PLEKHS1: variants seen among roughly 807,000 people sequenced by gnomAD.
The protein encoded by PLEKHS1 is pleckstrin homology domain-containing family S member 1.
A neutral mutation model predicts 51.0 loss-of-function variants in PLEKHS1; 55 were observed. That is an observed-to-expected ratio of 1.08 (90% CI 0.87 to 1.35). The LOEUF is 1.35. Among genes scored for constraint, PLEKHS1 ranks in the 40% most tolerant of loss-of-function variants. The probability of loss-of-function intolerance (pLI) is 0.00; values close to 1 mark genes in which losing one functional copy is unlikely to be tolerated. For missense variants in PLEKHS1, 398 were observed against 423.0 expected, an observed-to-expected ratio of 0.94 and a Z score of 0.52; for synonymous variants, 153 against 144.8, an observed-to-expected ratio of 1.06 and a Z score of -0.41.
intron 5 of PLEKHS1, 60 bp downstream of exon 5, chr10:113,767,539 A>G (rs2134523886): frequency 6.7e-7 from 1 of 1,499,896 alleles, no homozygotes; most frequent in Non-Finnish European, 9.0e-7. Flanking sequence ...CAAACCAAAA[A>G]ACAAAACATT....
chr10:113,755,824 T>C (rs1265366926), intron 2 of PLEKHS1, among the ~76,000 whole-genome samples: 2 of 152,218 alleles, frequency 1.3e-5, no homozygotes, highest in African/African-American at 4.8e-5. Context: ...GTCTAGAAGT[T>C]TAGCATTTTC....
intron 1 of PLEKHS1, among the ~76,000 whole-genome samples, chr10:113,754,152 C>T (rs978531243): frequency 2.6e-5 from 4 of 152,040 alleles, no homozygotes; most frequent in African/African-American, 4.8e-5. Flanking sequence ...TATACACACA[C>T]GTAATTAAAG....
chr10:113,765,481 A>G, intron 2 of PLEKHS1: 1 of 752,926 alleles, frequency 1.3e-6, no homozygotes, highest in Non-Finnish European at 2.5e-6. Flanking sequence ...GTTAATCGAC[A>G]CTCTTGAATA....
intron 7 of PLEKHS1, among the ~76,000 whole-genome samples, chr10:113,770,844 T>G (rs1315488914): frequency 6.6e-6 from 1 of 152,164 alleles, no homozygotes; most frequent in South Asian, 2.1e-4. Context: ...GATCCAGTGA[T>G]TTTTAAACCA....
chr10:113,765,175 C>A, intron 2 of PLEKHS1: 1 of 463,408 alleles, frequency 2.2e-6, no homozygotes, highest in East Asian at 3.2e-5. Context: ...TCTTTGTATT[C>A]CTATGAATCT....
intron 2 of PLEKHS1, among the ~76,000 whole-genome samples, chr10:113,765,599 T>C (rs903521439): frequency 6.6e-6 from 1 of 152,264 alleles, no homozygotes; most frequent in African/African-American, 2.4e-5. Flanking sequence ...GTTTCTAAAA[T>C]GTTAACTGCT....
At chr10:113,755,952 A>T (rs1452295076) in intron 2 of PLEKHS1, among the ~76,000 whole-genome samples, 1 of 152,212 alleles carries the variant, frequency 6.6e-6, no homozygotes, top group African/African-American at 2.4e-5. Flanking sequence ...ACACTTAGAG[A>T]AGTGCCTGCA....
chr10:113,775,104 T>C, intron 10 of PLEKHS1, 69 bp downstream of exon 10: 1 of 1,339,824 alleles, frequency 7.5e-7, no homozygotes, highest in Non-Finnish European at 1.0e-6. Context: ...CTTTTTTTTT[T>C]AACTTAGAAT....
chr10:113,768,930 C>G, intron 6 of PLEKHS1, 40 bp downstream of exon 6: 1 of 1,469,026 alleles, frequency 6.8e-7, no homozygotes, highest in South Asian at 1.2e-5. Flanking sequence ...GGCACCTGAA[C>G]ACAACCCTCT....
chr10:113,757,363 C>T (rs1201108843), intron 2 of PLEKHS1, among the ~76,000 whole-genome samples: 1 of 152,112 alleles, frequency 6.6e-6, no homozygotes, highest in Non-Finnish European at 1.5e-5. Flanking sequence ...TGTTTCCATG[C>T]CAATACAACC....
At chr10:113,773,944 G>A (rs1050666442) in intron 8 of PLEKHS1, among the ~76,000 whole-genome samples, 2 of 152,138 alleles carry the variant, frequency 1.3e-5, no homozygotes, top group Non-Finnish European at 1.5e-5. Context: ...AGTGCCGAAT[G>A]GTGAAACAGA....
intron 2 of PLEKHS1, among the ~76,000 whole-genome samples, chr10:113,760,239 C>T (rs116894236): frequency 2.6e-5 from 4 of 152,270 alleles, no homozygotes; most frequent in East Asian, 1.9e-4. Context: ...AGATGTATCA[C>T]AATGTGTTAA....
At chr10:113,779,335 C>T (rs143731137) in intron 11 of PLEKHS1, among the ~76,000 whole-genome samples, 2,037 of 152,168 alleles carry the variant, frequency 0.013, 28 homozygotes, top group South Asian at 0.028. Flanking sequence ...CTTTGGGAGG[C>T]GGAGGTGGGC....
At chr10:113,778,750 T>C (rs556959602) in intron 11 of PLEKHS1, among the ~76,000 whole-genome samples, 1 of 149,506 alleles carries the variant, frequency 6.7e-6, no homozygotes, top group Non-Finnish European at 1.5e-5. Flanking sequence ...TTCACACCAT[T>C]CTCCTGCCTC....
intron 6 of PLEKHS1, 127 bp from the exon 7 acceptor site, chr10:113,769,657 G>A (rs981638155): frequency 1.4e-5 from 10 of 696,936 alleles, no homozygotes; most frequent in African/African-American, 1.4e-4. Flanking sequence ...AATGCTGGCA[G>A]GCCAGCGGCA....
In PLEKHS1 at chr10:113,779,584, AG is replaced by A. The variant is rs745606402; in HGVS notation, c.*-1016del. On this transcript the variant is annotated intron_variant, in intron 11 of 11. Coordinates refer to ENST00000361048, the Ensembl canonical transcript of PLEKHS1. ...GACTCTGTCTCAAAAAAAAAAAAAA[AG>A]GATCCACATACACTGGGGCCAAGTG... Among the ~76,000 whole-genome samples the A allele has an allele frequency of 4.8e-4, 72 of 150,806 alleles. 2 individuals are homozygous for A. Among genetic ancestry groups the A allele is most frequent in the East Asian group, 7.8e-4 (4 of 5,144 alleles).
chr10:113,760,568 T>A (rs192828855), intron 2 of PLEKHS1, among the ~76,000 whole-genome samples: 35 of 152,354 alleles, frequency 2.3e-4, no homozygotes, highest in Middle Eastern at 6.8e-3. Flanking sequence ...ACTAAATGTA[T>A]TGCACAGCTT....
intron 11 of PLEKHS1, chr10:113,777,612 A>G (rs908226267): frequency 4.5e-6 from 7 of 1,545,450 alleles, no homozygotes; most frequent in Non-Finnish European, 5.3e-6. Context: ...ATGACTAATG[A>G]TGGTGCTGGT....
At position 113,774,365 on chromosome 10, in the gene PLEKHS1, T is replaced by C. The variant is rs376314575; in HGVS notation, c.779+32T>C. Reference sequence around the variant, plus strand: ...CAAAATGCCGTTTCAAAATTTGATGTTTGCTCATCTGCTGTTAAGGAACAA... The same window carrying C: ...CAAAATGCCGTTTCAAAATTTGATGCTTGCTCATCTGCTGTTAAGGAACAA... On this transcript the variant is annotated intron_variant, in intron 9 of 11. Coordinates refer to ENST00000361048, the Ensembl canonical transcript of PLEKHS1. 154 of 1,229,018 alleles carry C rather than the reference T, an allele frequency of 1.3e-4. No homozygotes were observed. The African/African-American group carries it at 2.1e-3, about 17-fold the overall frequency. The allele number at this position is 1,229,018 out of a possible 1,614,324, so 76.1% of individuals were successfully genotyped here.
Sources: allele counts gnomAD v4.1 joint callset (sites outside exome capture counted in the v4.1 genomes callset), GRCh38; gene constraint gnomAD v4.1.1; transcripts MANE v1.5; gene names NCBI Gene and HGNC (gene_info 2026-07-23, HGNC 2026-07-21).